SLC35A1: variants seen among roughly 807,000 people sequenced by gnomAD.
The protein encoded by SLC35A1 is CMP-sialic acid transporter.
SLC35A1 carries 21 observed loss-of-function variants against 40.3 expected under a neutral mutation model. The ratio of observed to expected loss-of-function variants is 0.52; its 90% confidence interval spans 0.37 to 0.75. The LOEUF is 0.75. Among genes scored for constraint, SLC35A1 ranks in the 30% least tolerant of loss-of-function variants. SLC35A1 has a pLI of 0.00. For synonymous variants in SLC35A1, 146 were observed against 147.3 expected (o/e 0.99, Z 0.06); for missense variants, 297 against 382.1 (o/e 0.78, Z 1.86).
At chr6:87,481,219 C>T (rs1417653482) in intron 2 of SLC35A1, among the ~76,000 whole-genome samples, 1 of 152,100 alleles carries the variant, frequency 6.6e-6, no homozygotes, top group African/African-American at 2.4e-5. Flanking sequence ...AGTTTCAAGA[C>T]CAGCCTGGCC....
At chr6:87,491,020 T>C (rs1465729700) in intron 2 of SLC35A1, among the ~76,000 whole-genome samples, 1 of 152,242 alleles carries the variant, frequency 6.6e-6, no homozygotes, top group Non-Finnish European at 1.5e-5. Flanking sequence ...CTCTTTGATG[T>C]CCAGCCTTAG....
In SLC35A1 at chr6:87,472,985, G is replaced by C. The variant is rs985183143; in HGVS notation, c.-19G>C. The C allele has an allele frequency of 3.0e-6, 2 of 667,926 alleles. No homozygotes were observed. The highest frequency in any genetic ancestry group is 4.6e-6 in the Non-Finnish European group (2 of 433,894). 41.4% of individuals were successfully genotyped at this position (667,926 alleles called of 1,614,324 possible). ...CGGAGGGGGCGGGCGTCAGTTCCGC[G>C]GGGGGCTGTCGGGGAACCATGGCTG... On this transcript the variant is annotated 5_prime_UTR_variant, in exon 1 of 8. Transcript: ENST00000369552.
At chr6:87,476,385 G>T (rs1396954942) in intron 1 of SLC35A1, among the ~76,000 whole-genome samples, 1 of 152,104 alleles carries the variant, frequency 6.6e-6, no homozygotes, top group African/African-American at 2.4e-5. Flanking sequence ...GCTGCAGTTG[G>T]TTTCATGCTT....
intron 2 of SLC35A1, among the ~76,000 whole-genome samples, chr6:87,493,630 C>T (rs1008649801): frequency 6.6e-5 from 10 of 152,104 alleles, no homozygotes; most frequent in African/African-American, 2.4e-4. Context: ...TACTTATTTG[C>T]TCAATCCTAG....
Position 87,511,741 on chromosome 6 carries a change from T to C in SLC35A1, c.*215T>C. 1 of 573,588 alleles carries C rather than the reference T, an allele frequency of 1.7e-6. No homozygotes were observed. Among genetic ancestry groups the C allele is most frequent in the Non-Finnish European group, 3.1e-6 (1 of 319,998 alleles). The allele number at this position is 573,588 out of a possible 1,614,324, so 35.5% of individuals were successfully genotyped here. ...ACCTGTTTGGGGTCTACTATTGTTT[T>C]AGAATGAAGGAATTGTATTATTGTG... On this transcript the variant is annotated 3_prime_UTR_variant, in exon 8 of 8. Transcript: ENST00000369552.
intron 2 of SLC35A1, among the ~76,000 whole-genome samples, chr6:87,489,871 T>A (rs1562021165): frequency 6.6e-6 from 1 of 151,756 alleles, no homozygotes. Context: ...CAGGTATTCT[T>A]TCACAGCAAC....
At chr6:87,507,541 TC>T (rs1249477232) in intron 5 of SLC35A1, among the ~76,000 whole-genome samples, 1 of 152,090 alleles carries the variant, frequency 6.6e-6, no homozygotes, top group African/African-American at 2.4e-5. Context: ...GAAGGTAAAA[TC>T]AGAGGTGAAA....
Position 87,511,777 on chromosome 6 carries a change from A to AT in SLC35A1, c.*254dup, listed in dbSNP as rs1222055871. 10 of 469,846 alleles carry AT rather than the reference A, an allele frequency of 2.1e-5. No individual in the cohort carries two copies. Among genetic ancestry groups the AT allele is most frequent in the Middle Eastern group, 6.2e-4 (1 of 1,618 alleles). 29.1% of individuals were successfully genotyped at this position (469,846 alleles called of 1,614,324 possible). A position where few individuals can be genotyped will look rare whatever the true frequency, so the allele number is the denominator to read the frequency against. ...AATTGTATTATTGTGTGTATATATA[A>AT]TTTGTAAATAAAAAGTATGGAGATG... On this transcript the variant is annotated 3_prime_UTR_variant, in exon 8 of 8. Transcript: ENST00000369552.
chr6:87,498,548 A>G (rs2127973424), intron 2 of SLC35A1, among the ~76,000 whole-genome samples: 1 of 152,128 alleles, frequency 6.6e-6, no homozygotes, highest in African/African-American at 2.4e-5. Context: ...CCGAGGCAGG[A>G]GGATCACTTA....
chr6:87,487,006 A>G (rs973815221), intron 2 of SLC35A1, among the ~76,000 whole-genome samples: 2 of 151,846 alleles, frequency 1.3e-5, no homozygotes, highest in African/African-American at 4.8e-5. Flanking sequence ...GTAAAACCCC[A>G]TCTCTACTAA....
At chr6:87,483,478 T>C (rs1157571770) in intron 2 of SLC35A1, among the ~76,000 whole-genome samples, 3 of 123,206 alleles carry the variant, frequency 2.4e-5, no homozygotes, top group African/African-American at 7.0e-5. Flanking sequence ...TGTACCCCTA[T>C]TGGGATTTTT....
intron 2 of SLC35A1, among the ~76,000 whole-genome samples, chr6:87,494,786 C>T (rs1346217697): frequency 6.6e-6 from 1 of 152,136 alleles, no homozygotes; most frequent in Non-Finnish European, 1.5e-5. Flanking sequence ...ATAAACAATA[C>T]AACATTTAAA....
chr6:87,499,133 G>A, intron 2 of SLC35A1: 1 of 983,854 alleles, frequency 1.0e-6, no homozygotes, highest in Non-Finnish European at 1.2e-6. Flanking sequence ...TTTTCTTGGA[G>A]GTAGAATGTT....
intron 2 of SLC35A1, among the ~76,000 whole-genome samples, chr6:87,478,181 ACAT>A (rs1308577988): frequency 3.9e-5 from 6 of 152,214 alleles, no homozygotes; most frequent in African/African-American, 7.2e-5. Context: ...TGAATCAAAA[ACAT>A]CATGCAAGAA....
intron 2 of SLC35A1, among the ~76,000 whole-genome samples, chr6:87,479,492 C>T (rs1769186176): frequency 1.3e-5 from 2 of 152,332 alleles, no homozygotes; most frequent in Admixed American, 1.3e-4. Context: ...GTAAAGGGGT[C>T]ATTTACCCCT....
intron 4 of SLC35A1, among the ~76,000 whole-genome samples, chr6:87,505,028 C>T (rs1253263392): frequency 6.6e-6 from 1 of 152,176 alleles, no homozygotes; most frequent in Non-Finnish European, 1.5e-5. Flanking sequence ...GTTTATGGTT[C>T]AGTAGGTCTG....
At chr6:87,474,093 G>T (rs990769427) in intron 1 of SLC35A1, among the ~76,000 whole-genome samples, 2 of 152,166 alleles carry the variant, frequency 1.3e-5, no homozygotes, top group African/African-American at 4.8e-5. Flanking sequence ...AAAAGAAATA[G>T]AATTGTTTTG....
intron 2 of SLC35A1, among the ~76,000 whole-genome samples, chr6:87,485,224 A>G (rs1193131832): frequency 6.6e-6 from 1 of 152,230 alleles, no homozygotes; most frequent in Non-Finnish European, 1.5e-5. Flanking sequence ...CAGGAAACCA[A>G]AGTTGATTCA....
chr6:87,506,472 ATTCTT>A, intron 5 of SLC35A1, 24 bp downstream of exon 5: 1 of 1,602,536 alleles, frequency 6.2e-7, no homozygotes. Flanking sequence ...GCATTGTTTT[ATTCTT>A]TTGTCATATT....
Sources: gnomAD v4.1 joint callset for allele counts (sites outside exome capture counted in the v4.1 genomes callset) on GRCh38, gnomAD v4.1.1 for gene constraint, MANE v1.5 for transcripts, NCBI Gene and HGNC (gene_info 2026-07-23, HGNC 2026-07-21) for gene names.